Variants in ANKRD50 observed in about 807,000 individuals in gnomAD.
ANKRD50 encodes ankyrin repeat domain 50.
A neutral mutation model predicts 112.0 loss-of-function variants in ANKRD50; 40 were observed. The ratio of observed to expected loss-of-function variants is 0.36; its 90% CI spans 0.28 to 0.46. The LOEUF is 0.46. ANKRD50 is among the 20% of genes least tolerant of loss of function. The pLI is 1.00. For synonymous variants in ANKRD50, 613 were observed against 619.1 expected (o/e 0.99, Z 0.15); for missense variants, 1,487 against 1,701.7 (o/e 0.87, Z 2.22).
chr4:124,672,617 TAATA>T (rs1411033004), intron 3 of ANKRD50, 83 bp from the exon 4 acceptor site: 36 of 931,672 alleles, frequency 3.9e-5, no homozygotes, highest in East Asian at 1.4e-4. Context: ...TGTCAACATA[TAATA>T]AATAAATCAA....
rs746937779 is a variant in ANKRD50, at chr4:124,710,770, T to C, written c.-259A>G. The C allele has an allele frequency of 2.0e-6, 1 of 503,384 alleles. No individual in the cohort carries two copies. The highest frequency in any genetic ancestry group is 3.5e-6 in the Non-Finnish European group (1 of 285,092). 31.2% of individuals were successfully genotyped at this position (503,384 alleles called of 1,614,324 possible). ...TTCCACAGCTCAGCAACACTTTTCC[T>C]AAATTTTAATGAGTCACATAACTCC... On this transcript the variant is annotated 5_prime_UTR_variant, in exon 2 of 5. Transcript: ENST00000504087.
At chr4:124,697,241 C>T (rs2110523324) in intron 2 of ANKRD50, among the ~76,000 whole-genome samples, 1 of 152,140 alleles carries the variant, frequency 6.6e-6, no homozygotes, top group South Asian at 2.1e-4. Flanking sequence ...CACTGAGATA[C>T]AGTTGATAAT....
chr4:124,704,480 T>C (rs1289400503), intron 2 of ANKRD50, among the ~76,000 whole-genome samples: 1 of 152,190 alleles, frequency 6.6e-6, no homozygotes, highest in African/African-American at 2.4e-5. Context: ...TATTAATACA[T>C]GGTAAAGAAC....
intron 1 of ANKRD50, among the ~76,000 whole-genome samples, chr4:124,711,545 G>A (rs899111087): frequency 6.6e-6 from 1 of 152,128 alleles, no homozygotes; most frequent in Admixed American, 6.5e-5. Flanking sequence ...AAGGAGGGGG[G>A]GAGAAACTTT....
chr4:124,671,013 G>T lies in ANKRD50; in HGVS notation c.2264C>A (p.Ala755Asp). 1 of 1,613,804 alleles carries T rather than the reference G, an allele frequency of 6.2e-7. No individual in the cohort carries two copies. The highest frequency in any genetic ancestry group is 8.5e-7 in the Non-Finnish European group (1 of 1,179,864). ...CACATCAACATGTCCTTCATAGGCA[G>T]CTACCAGCAGTGGAGTCATGCCATC... is the stretch of plus-strand genomic sequence containing the variant. ...DKDGMTPLLVAAYEGHVDVVD... is the reference protein window; with the variant it reads ...DKDGMTPLLVDAYEGHVDVVD... Residue 755 changes from alanine (A) to aspartate (D), a missense_variant, in exon 4 of 5, where the codon GCT (alanine) becomes GAT (aspartate). Physicochemically the swap from Ala to Asp is moderately radical, Grantham distance 126 (BLOSUM62 -2). Coordinates refer to ENST00000504087, the MANE Select transcript of ANKRD50 (RefSeq NM_020337.3).
intron 2 of ANKRD50, among the ~76,000 whole-genome samples, chr4:124,684,631 T>C (rs1193485919): frequency 2.0e-5 from 3 of 152,194 alleles, no homozygotes; most frequent in Non-Finnish European, 4.4e-5. Flanking sequence ...TATGCACTTA[T>C]TTCAACGAAT....
intron 2 of ANKRD50, among the ~76,000 whole-genome samples, chr4:124,690,479 A>T (rs1725110515): frequency 1.3e-5 from 2 of 152,232 alleles, no homozygotes. Context: ...TTCATGTAAG[A>T]GCATTTCCCC....
intron 2 of ANKRD50, among the ~76,000 whole-genome samples, chr4:124,689,962 A>G (rs1464075447): frequency 6.6e-6 from 1 of 152,154 alleles, no homozygotes; most frequent in East Asian, 1.9e-4. Flanking sequence ...TTATACTTGT[A>G]TCCACAAAAC....
Position 124,669,970 on chromosome 4 carries a change from A to G in ANKRD50, c.3307T>C (p.Ser1103Pro). ...GATGGGGAACAGCCATTCAAACTAG[A>G]TGCACCATATTTTTCTAATAATTTA... ...IIKLLEKYGA[S>P]SLNGCSPSPV... The change falls in exon 4 of 5, where the codon TCT (serine) becomes CCT (proline). Residue 1103 changes from serine to proline, a missense_variant. Physicochemically the swap from Ser to Pro is moderately conservative, Grantham distance 74. Coordinates refer to ENST00000504087, the MANE Select transcript of ANKRD50 (RefSeq NM_020337.3). 1 of 1,611,086 alleles carries G rather than the reference A, an allele frequency of 6.2e-7. No homozygotes were observed. Among genetic ancestry groups the G allele is most frequent in the Non-Finnish European group, 8.5e-7 (1 of 1,179,348 alleles).
At chr4:124,673,356 C>A (rs898971937) in intron 3 of ANKRD50, among the ~76,000 whole-genome samples, 1 of 152,014 alleles carries the variant, frequency 6.6e-6, no homozygotes, top group African/African-American at 2.4e-5. Flanking sequence ...AGTGAATGAA[C>A]TTACCAAGTC....
At chr4:124,682,414 A>T (rs1318484736) in intron 2 of ANKRD50, among the ~76,000 whole-genome samples, 1 of 151,806 alleles carries the variant, frequency 6.6e-6, no homozygotes, top group Admixed American at 6.6e-5. Context: ...TTGATTCGGT[A>T]ACAGTATTGT....
chr4:124,699,611 G>A (rs1203530948), intron 2 of ANKRD50, among the ~76,000 whole-genome samples: 1 of 152,056 alleles, frequency 6.6e-6, no homozygotes, highest in Non-Finnish European at 1.5e-5. Flanking sequence ...GACCTCATAT[G>A]ACTCTCATCA....
intron 2 of ANKRD50, among the ~76,000 whole-genome samples, chr4:124,702,620 T>G (rs937756995): frequency 3.3e-5 from 5 of 152,140 alleles, no homozygotes; most frequent in African/African-American, 1.2e-4. Context: ...GAACTAAGAA[T>G]AATTATAGAA....
chr4:124,676,891 C>T (rs1158416581), intron 3 of ANKRD50, among the ~76,000 whole-genome samples: 1 of 151,260 alleles, frequency 6.6e-6, no homozygotes, highest in African/African-American at 2.4e-5. Flanking sequence ...GGAAAAAAGG[C>T]AAATTGATGA....
intron 1 of ANKRD50, among the ~76,000 whole-genome samples, chr4:124,712,195 T>G (rs2110533000): frequency 6.6e-6 from 1 of 151,850 alleles, no homozygotes; most frequent in East Asian, 2.0e-4. Context: ...GTGTGTCTTT[T>G]GAAGGGGGAG....
chr4:124,697,191 T>C (rs1341484659), intron 2 of ANKRD50, among the ~76,000 whole-genome samples: 2 of 152,196 alleles, frequency 1.3e-5, no homozygotes, highest in Admixed American at 6.5e-5. Flanking sequence ...TAGGTCTAGA[T>C]TCAGGGAAGA....
At position 124,670,138 on chromosome 4, in the gene ANKRD50, T is replaced by C; in HGVS notation, c.3139A>G (p.Thr1047Ala). The part of the protein sequence containing the change: ...VVDHTCNQGA[T>A]ALCIAAQEGH... ...TCCTGGGCTGCAATACAGAGTGCAG[T>C]TGCACCTTGGTTACATGTATGGTCA... The change falls in exon 4 of 5, where the codon ACT becomes GCT. Residue 1047 changes from threonine to alanine, a missense_variant. By Grantham distance (58) the Thr-to-Ala change is moderately conservative. Coordinates refer to ENST00000504087, the MANE Select transcript of ANKRD50 (RefSeq NM_020337.3). The C allele has an allele frequency of 6.2e-7, 1 of 1,612,526 alleles. No homozygotes were observed. The highest frequency in any genetic ancestry group is 8.5e-7 in the Non-Finnish European group (1 of 1,179,520).
intron 2 of ANKRD50, among the ~76,000 whole-genome samples, chr4:124,699,660 T>C (rs1298017614): frequency 1.3e-5 from 2 of 152,136 alleles, no homozygotes; most frequent in Admixed American, 1.3e-4. Context: ...GATTTTCTAT[T>C]TGATAAAAAT....
At chr4:124,667,771 A>C (rs551227470) in intron 4 of ANKRD50, among the ~76,000 whole-genome samples, 2 of 152,110 alleles carry the variant, frequency 1.3e-5, no homozygotes, top group East Asian at 3.9e-4. Context: ...TGAGAGTTGA[A>C]AGGGTGCACC....
Sources: gnomAD v4.1 joint callset for allele counts (sites outside exome capture counted in the v4.1 genomes callset) on GRCh38, gnomAD v4.1.1 for gene constraint, MANE v1.5 for transcripts, NCBI Gene and HGNC (gene_info 2026-07-23, HGNC 2026-07-21) for gene names.